Variants in MLANA observed in about 807,000 individuals in gnomAD.
The protein encoded by MLANA is melanoma antigen recognized by T-cells 1.
In MLANA, 21 loss-of-function variants were observed where a neutral mutation model predicts 15.7. That is an observed-to-expected ratio of 1.33 (90% confidence interval 0.95 to 1.92). The LOEUF (loss-of-function observed/expected upper bound fraction) is 1.92, where lower values mean the gene tolerates loss of function less well. Ranked by LOEUF, MLANA falls within the 40% of genes most tolerant of loss-of-function variation. The probability of loss-of-function intolerance (pLI) is 0.00; values close to 1 mark genes in which losing one functional copy is unlikely to be tolerated. For synonymous variants in MLANA, 56 were observed against 51.5 expected, an observed-to-expected ratio of 1.09 and a Z score of -0.37; for missense variants, 164 against 143.8, an observed-to-expected ratio of 1.14 and a Z score of -0.72.
rs1204364319 is a variant in MLANA at position 5,909,836 on chromosome 9, A to G, written c.*1128A>G. Reference sequence around the variant, plus strand: ...TCAGAGATTCTGGAATGGTGTCATTATTTGCATAGCAACATTGCAATTTGT... The same window carrying G: ...TCAGAGATTCTGGAATGGTGTCATTGTTTGCATAGCAACATTGCAATTTGT... On this transcript the variant is annotated 3_prime_UTR_variant, in exon 5 of 5. Transcript: ENST00000381477. 1.5e-4 allele frequency: 23 copies of G among 152,188 alleles called. No homozygotes were observed. Among genetic ancestry groups the G allele is most frequent in the Admixed American group, 1.4e-3 (21 of 15,278 alleles). 9.4% of individuals were successfully genotyped at this position (152,188 alleles called of 1,614,324 possible). A position where few individuals can be genotyped will look rare whatever the true frequency, so the allele number is the denominator to read the frequency against.
chr9:5,908,640 G>A lies in MLANA; in HGVS notation c.289G>A (p.Val97Ile), dbSNP rs1832967659. ...TATTCTCCCTTTCTTGTTCTCACAG[G>A]TTCCCAATGCTCCACCTGCTTATGA... Reference protein sequence around the residue: ...SLQEKNCEPVVPNAPPAYEKL... With the variant: ...SLQEKNCEPVIPNAPPAYEKL... The change falls in exon 5 of 5, where the codon GTT (valine) becomes ATT (isoleucine). Residue 97 changes from valine to isoleucine, a missense_variant and splice_region_variant. Val to Ile is a conservative substitution (Grantham distance 29). Transcript: ENST00000381477. 5.0e-6 allele frequency: 8 copies of A among 1,613,604 alleles called. No homozygotes were observed. The highest frequency in any genetic ancestry group is 6.8e-6 in the Non-Finnish European group (8 of 1,179,758).
At chr9:5,902,577 C>T (rs748925013) in intron 3 of MLANA, among the ~76,000 whole-genome samples, 1 of 151,924 alleles carries the variant, frequency 6.6e-6, no homozygotes, top group Non-Finnish European at 1.5e-5. Flanking sequence ...CACTCCAATC[C>T]TCCTGGCTCA....
At position 5,909,056 on chromosome 9, in the gene MLANA, T is replaced by C. The variant is rs965600317; in HGVS notation, c.*348T>C. The C allele has an allele frequency of 4.1e-5, 12 of 291,268 alleles. No homozygotes were observed. Among genetic ancestry groups the C allele is most frequent in the Non-Finnish European group, 7.8e-5 (12 of 154,154 alleles). 18.0% of individuals were successfully genotyped at this position (291,268 alleles called of 1,614,324 possible). A position where few individuals can be genotyped will look rare whatever the true frequency, so the allele number is the denominator to read the frequency against. Reference sequence around the variant, plus strand: ...TTCTCTTTACTTGAAATTTGGCTAATAACAAACTAGTCAGGTTTTCGAACC... The same window carrying C: ...TTCTCTTTACTTGAAATTTGGCTAACAACAAACTAGTCAGGTTTTCGAACC... On this transcript the variant is annotated 3_prime_UTR_variant, in exon 5 of 5. Transcript: ENST00000381477.
intron 3 of MLANA, among the ~76,000 whole-genome samples, chr9:5,903,421 G>GCAAA (rs1832578652): frequency 1.3e-5 from 2 of 152,164 alleles, no homozygotes; most frequent in Non-Finnish European, 2.9e-5. Context: ...CTAATATGTT[G>GCAAA]TTGAGTTTTT....
chr9:5,896,537 C>T (rs1832034117), intron 2 of MLANA, among the ~76,000 whole-genome samples: 1 of 152,148 alleles, frequency 6.6e-6, no homozygotes, highest in African/African-American at 2.4e-5. Flanking sequence ...CCAGCAGAAG[C>T]CTTAGTTAAA....
At position 5,906,974 on chromosome 9, in the gene MLANA, T is replaced by C; in HGVS notation, c.264T>C (p.Leu88=). ...GFDHRDSKVS[L]QEKNCEPVVP... is the part of the protein sequence containing the mutation. The stretch of plus-strand genomic sequence containing the variant: ...ATCATCGGGACAGCAAAGTGTCTCT[T>C]CAAGAGAAAAACTGTGAACCTGTGG... The change falls in exon 4 of 5, where the codon CTT becomes CTC. Residue 88 remains leucine (L), a synonymous_variant. Transcript: ENST00000381477. 6.2e-7 allele frequency: 1 copy of C among 1,600,136 alleles called. No homozygotes were observed. Among genetic ancestry groups the C allele is most frequent in the East Asian group, 2.3e-5 (1 of 43,644 alleles).
chr9:5,903,062 C>A (rs925185383), intron 3 of MLANA, among the ~76,000 whole-genome samples: 5 of 152,108 alleles, frequency 3.3e-5, no homozygotes, highest in South Asian at 4.1e-4. Context: ...TTAAATTTCT[C>A]CTGAGATTTC....
intron 3 of MLANA, chr9:5,898,219 A>C (rs1026299180): frequency 1.3e-5 from 2 of 152,808 alleles, no homozygotes; most frequent in Non-Finnish European, 2.9e-5. Context: ...ATTAAAAAAA[A>C]ACTTTTTTTT....
intron 3 of MLANA, among the ~76,000 whole-genome samples, chr9:5,901,424 G>A (rs1318281761): frequency 6.6e-6 from 1 of 152,146 alleles, no homozygotes; most frequent in African/African-American, 2.4e-5. Context: ...AATTATGAAT[G>A]GGTGTTTGAT....
intron 3 of MLANA, among the ~76,000 whole-genome samples, chr9:5,903,785 C>G (rs1832607069): frequency 6.6e-6 from 1 of 152,158 alleles, no homozygotes; most frequent in Non-Finnish European, 1.5e-5. Context: ...TCCTTGAAAT[C>G]TCCTTCTGAA....
intron 3 of MLANA, among the ~76,000 whole-genome samples, chr9:5,905,899 C>T (rs1361220451): frequency 2.0e-5 from 3 of 152,208 alleles, no homozygotes; most frequent in Admixed American, 6.5e-5. Flanking sequence ...CAGAATAAAC[C>T]TCTTTAAAAT....
chr9:5,891,846 G>T (rs1586911072), intron 1 of MLANA, among the ~76,000 whole-genome samples: 1 of 152,198 alleles, frequency 6.6e-6, no homozygotes, highest in Admixed American at 6.5e-5. Flanking sequence ...GGAGTGCCTG[G>T]GGACAGGCTG....
chr9:5,891,035 C>A (rs1221212307), intron 1 of MLANA, 99 bp downstream of exon 1: 1 of 152,220 alleles, frequency 6.6e-6, no homozygotes, highest in Non-Finnish European at 1.5e-5. Flanking sequence ...CATTGCCCCG[C>A]TGATGTGTGA....
Position 5,899,507 on chromosome 9 carries a change from G to C in MLANA, c.174+1854G>C, listed in dbSNP as rs371684678. Among the ~76,000 whole-genome samples the C allele has an allele frequency of 9.9e-5, 15 of 152,278 alleles. No homozygotes were observed. In the East Asian group the frequency reaches 2.3e-3, roughly 24 times the overall value. ...CCTCTAGTGTGCTGACATCTAGTGGGAAGGAGGAGGAGTTGATGAATCTGA... is the reference window on the plus strand; with the variant it reads ...CCTCTAGTGTGCTGACATCTAGTGGCAAGGAGGAGGAGTTGATGAATCTGA... On this transcript the variant is annotated intron_variant, in intron 3 of 4. Transcript: ENST00000381477.
intron 3 of MLANA, among the ~76,000 whole-genome samples, chr9:5,905,847 C>A (rs774728767): frequency 5.9e-5 from 9 of 152,188 alleles, no homozygotes; most frequent in African/African-American, 1.4e-4. Flanking sequence ...TTCTCAGGAC[C>A]TCTTGAGACT....
rs144589278 is a variant in MLANA at position 5,901,457 on chromosome 9, T to A, written c.174+3804T>A. The stretch of plus-strand genomic sequence containing the variant: ...GATTTTGTCAAATGCTTTTTCTACA[T>A]CTATTGATACAATCTTGCAAATTTC... On this transcript the variant is annotated intron_variant, in intron 3 of 4. Transcript: ENST00000381477. 2.8e-4 allele frequency among the ~76,000 whole-genome samples: 42 copies of A among 152,364 alleles called. 1 individual carries two copies. Among genetic ancestry groups the A allele is most frequent in the South Asian group, 4.1e-4 (2 of 4,830 alleles).
At chr9:5,901,039 A>G (rs954483285) in intron 3 of MLANA, among the ~76,000 whole-genome samples, 3 of 152,164 alleles carry the variant, frequency 2.0e-5, no homozygotes, top group Admixed American at 6.6e-5. Flanking sequence ...TCTATATTTT[A>G]AAATGTACAC....
rs1832996692 is a variant in MLANA, at chr9:5,909,008, T to C, written c.*300T>C. 1 of 357,444 alleles carries C rather than the reference T, an allele frequency of 2.8e-6. No homozygotes were observed. 22.1% of individuals were successfully genotyped at this position (357,444 alleles called of 1,614,324 possible). The stretch of plus-strand genomic sequence containing the variant: ...TATTTTCTGAGAGACAGAATTCAAG[T>C]GGGTATTCTGGGGCCATCCAATTTC... On this transcript the variant is annotated 3_prime_UTR_variant, in exon 5 of 5. Coordinates refer to ENST00000381477, the MANE Select transcript of MLANA (RefSeq NM_005511.2).
chr9:5,898,099 G>A (rs947013276), intron 3 of MLANA: 12 of 166,734 alleles, frequency 7.2e-5, no homozygotes, highest in Admixed American at 1.7e-4. Context: ...GGGATGGAGC[G>A]CAGTGGTGAA....
Sources: allele counts gnomAD v4.1 joint callset (sites outside exome capture counted in the v4.1 genomes callset), GRCh38; gene constraint gnomAD v4.1.1; transcripts MANE v1.5; gene names NCBI Gene and HGNC (gene_info 2026-07-23, HGNC 2026-07-21).